The following ZKSCAN7 variants were observed in gnomAD, a reference collection of about 807,000 sequenced individuals.
The protein encoded by ZKSCAN7 is zinc finger with KRAB and SCAN domains 7, also known as zinc finger protein with KRAB and SCAN domains 7.
Under a neutral mutation model 65.3 loss-of-function variants are expected in ZKSCAN7, and 38 were observed. The ratio of observed to expected loss-of-function variants is 0.58; its 90% confidence interval spans 0.45 to 0.76. The LOEUF is 0.76. ZKSCAN7 is among the 30% of genes least tolerant of loss of function. ZKSCAN7 has a pLI of 0.00. For synonymous variants in ZKSCAN7, 321 were observed against 321.0 expected, an observed-to-expected ratio of 1.00 and a Z score of 0.00; for missense variants, 815 against 913.3, an observed-to-expected ratio of 0.89 and a Z score of 1.39.
At chr3:44,576,685 CTG>C (rs1699929700), downstream of ZKSCAN7, among the ~76,000 whole-genome samples, 2 of 152,204 alleles carry the variant, frequency 1.3e-5, no homozygotes, top group African/African-American at 4.8e-5. Flanking sequence ...GCTATTAAAA[CTG>C]TCCCTTTAGA....
chr3:44,581,578 TA>T (rs1398161385), intron 5 of ZKSCAN7, among the ~76,000 whole-genome samples: 1 of 152,220 alleles, frequency 6.6e-6, no homozygotes, highest in African/African-American at 2.4e-5. Flanking sequence ...AGTTTTGTTA[TA>T]CAACACATAG....
chr3:44,556,935 A>C lies in ZKSCAN7; in HGVS notation c.-113A>C. On this transcript the variant is annotated 5_prime_UTR_variant, in exon 2 of 6. Transcript: ENST00000426540. The stretch of plus-strand genomic sequence containing the variant: ...TTTCACTCTTGTTTCTGTAGGCCAC[A>C]CTACCATCACCCCTTTCTCCAACCC... The C allele has an allele frequency of 7.2e-7, 1 of 1,387,914 alleles. No homozygotes were observed. 86.0% of individuals were successfully genotyped at this position (1,387,914 alleles called of 1,614,324 possible).
chr3:44,568,234 G>T, intron 4 of ZKSCAN7, 73 bp from the exon 5 acceptor site: 1 of 1,575,426 alleles, frequency 6.3e-7, no homozygotes, highest in Non-Finnish European at 8.6e-7. Context: ...CATACCCTGT[G>T]CCCTTCGTAC....
Position 44,569,995 on chromosome 3 carries a change from C to G in ZKSCAN7, c.885C>G (p.Asn295Lys), listed in dbSNP as rs142412990. The change falls in exon 6 of 6, where the codon AAC becomes AAG. Residue 295 changes from asparagine (N) to lysine (K), a missense_variant. Asn to Lys is a moderately conservative substitution (Grantham distance 94, BLOSUM62 0). This residue lies in a region of ZKSCAN7 where 578 missense variants were observed against 629.5 expected (regional missense o/e 0.92). Coordinates refer to ENST00000426540, the MANE Select transcript of ZKSCAN7 (RefSeq NM_001288590.2). ...QEFFKGSESS[N>K]RTSGGLFGVV... is the part of the protein sequence containing the mutation. ...TTTTTAAAGGATCAGAGTCATCTAA[C>G]AGGACATCAGGGGGACTCTTTGGGG... is the stretch of plus-strand genomic sequence containing the variant. 1.9e-6 allele frequency: 3 copies of G among 1,607,370 alleles called. No individual in the cohort carries two copies. In the African/African-American group the frequency reaches 4.0e-5, roughly 22 times the overall value.
chr3:44,566,854 C>G (rs1297623469), intron 3 of ZKSCAN7, among the ~76,000 whole-genome samples: 1 of 151,830 alleles, frequency 6.6e-6, no homozygotes, highest in Non-Finnish European at 1.5e-5. Context: ...CAGTGGCACA[C>G]ACACCTGTAA....
At chr3:44,582,913 T>G in intron 5 of ZKSCAN7, 1 of 71,146 alleles carries the variant, frequency 1.4e-5, no homozygotes, top group South Asian at 3.1e-4. Flanking sequence ...TATTCGTGTG[T>G]GTGTGTGTGT....
chr3:44,557,951 C>A (rs1699350464), intron 2 of ZKSCAN7, among the ~76,000 whole-genome samples: 1 of 152,184 alleles, frequency 6.6e-6, no homozygotes, highest in Non-Finnish European at 1.5e-5. Flanking sequence ...CCAAACCTAA[C>A]TGGGATCTTT....
At chr3:44,558,538 A>T (rs1699366250) in intron 2 of ZKSCAN7, among the ~76,000 whole-genome samples, 2 of 151,130 alleles carry the variant, frequency 1.3e-5, no homozygotes, top group Non-Finnish European at 3.0e-5. Context: ...AAAAAAAAAA[A>T]AGAAAAGAAA....
downstream of ZKSCAN7, among the ~76,000 whole-genome samples, chr3:44,576,104 T>C (rs1156642630): frequency 6.6e-6 from 1 of 152,206 alleles, no homozygotes; most frequent in East Asian, 1.9e-4. Flanking sequence ...TGCAGTTTTT[T>C]TCAGTGGTTT....
intron 5 of ZKSCAN7, among the ~76,000 whole-genome samples, chr3:44,579,616 GTT>G (rs1399384924): frequency 1.3e-5 from 2 of 152,196 alleles, no homozygotes; most frequent in Non-Finnish European, 2.9e-5. Flanking sequence ...TCTGGATCCA[GTT>G]CCGCCGAATC....
In ZKSCAN7 at chr3:44,571,639, C is replaced by A; in HGVS notation, c.*264C>A. The A allele has an allele frequency of 7.7e-7, 1 of 1,303,144 alleles. No homozygotes were observed. Among genetic ancestry groups the A allele is most frequent in the Non-Finnish European group, 9.7e-7 (1 of 1,025,730 alleles). 80.7% of individuals were successfully genotyped at this position (1,303,144 alleles called of 1,614,324 possible). On this transcript the variant is annotated 3_prime_UTR_variant, in exon 6 of 6. Coordinates refer to ENST00000426540, the MANE Select transcript of ZKSCAN7 (RefSeq NM_001288590.2). ...AAATTTTAACTTTTAAAATCTATTT[C>A]ATTTCTTAGTTATGCATCTCATAAT...
rs190932666 is a variant in ZKSCAN7 at position 44,579,932 on chromosome 3, C to T, written c.812-3040C>T. The T allele has an allele frequency of 2.1e-3, 3,252 of 1,551,066 alleles. 96 individuals carry two copies. The Admixed American group carries it at 0.051, about 24-fold the overall frequency. ...CCTCCTGTCCAGTGACTTGGCTCTT[C>T]GGTGTGGAGACGGGGGAAGCCGAGG... is the stretch of plus-strand genomic sequence containing the variant. On this transcript the variant is annotated intron_variant, in intron 5 of 5. Coordinates refer to the ZKSCAN7 transcript ENST00000341840.
chr3:44,578,483 C>T (rs1267214578), intron 5 of ZKSCAN7, among the ~76,000 whole-genome samples: 3 of 152,260 alleles, frequency 2.0e-5, no homozygotes, highest in Non-Finnish European at 4.4e-5. Context: ...CTCACGCTGG[C>T]ACTGCCGCAG....
At chr3:44,574,118 T>C (rs1162522348), downstream of ZKSCAN7, among the ~76,000 whole-genome samples, 1 of 152,090 alleles carries the variant, frequency 6.6e-6, no homozygotes, top group Non-Finnish European at 1.5e-5. Flanking sequence ...TTAAATTTTC[T>C]TTTTTTTCTT....
chr3:44,579,442 C>A (rs542240940), intron 5 of ZKSCAN7, among the ~76,000 whole-genome samples: 1 of 152,222 alleles, frequency 6.6e-6, no homozygotes, highest in South Asian at 2.1e-4. Flanking sequence ...TCCGCTCCCA[C>A]GTGCGGCTCC....
intron 5 of ZKSCAN7, chr3:44,582,907 C>CGTGT (rs4016043): frequency 0.048 from 16,938 of 353,330 alleles, 377 homozygotes; most frequent in African/African-American, 0.089. Flanking sequence ...CATGAATATT[C>CGTGT]GTGTGTGTGT....
intron 2 of ZKSCAN7, among the ~76,000 whole-genome samples, chr3:44,558,699 G>A (rs1234028484): frequency 2.0e-5 from 3 of 148,374 alleles, no homozygotes; most frequent in African/African-American, 7.5e-5. Flanking sequence ...TTTCTTCTTT[G>A]TCCTTTCTTC....
chr3:44,560,609 C>T (rs1369683738), intron 2 of ZKSCAN7, among the ~76,000 whole-genome samples: 12 of 151,178 alleles, frequency 7.9e-5, no homozygotes, highest in Admixed American at 7.3e-4. Context: ...GCCTCCTTCA[C>T]GCCATTCTCC....
intron 2 of ZKSCAN7, 80 bp from the exon 3 acceptor site, chr3:44,565,407 G>T: frequency 7.3e-7 from 1 of 1,366,998 alleles, no homozygotes. Context: ...CTTTCTTTCT[G>T]GAGGGAGCTG....
Sources: allele counts gnomAD v4.1 joint callset (sites outside exome capture counted in the v4.1 genomes callset), GRCh38; gene constraint gnomAD v4.1.1; regional missense constraint gnomAD v4.1.1; transcripts MANE v1.5; gene names NCBI Gene and HGNC (gene_info 2026-07-23, HGNC 2026-07-21).